Variants in PGM2L1 observed in about 807,000 individuals in gnomAD.
The protein encoded by PGM2L1 is glucose 1,6-bisphosphate synthase.
In PGM2L1, 35 loss-of-function variants were observed where a neutral mutation model predicts 73.4. The observed-to-expected ratio is 0.48, with a 90% CI of 0.36 to 0.63. The LOEUF is 0.63. Ranked by LOEUF, PGM2L1 falls within the 30% of genes least tolerant of loss-of-function variation. The probability of loss-of-function intolerance (pLI) is 0.00; values close to 1 mark genes in which losing one functional copy is unlikely to be tolerated. For missense variants in PGM2L1, 570 were observed against 742.0 expected (o/e 0.77, Z 2.69); for synonymous variants, 225 against 253.8 (o/e 0.89, Z 1.08).
In PGM2L1 at chr11:74,398,292, G is replaced by A. The variant is rs889090256; in HGVS notation, c.-131C>T. The stretch of plus-strand genomic sequence containing the variant: ...AAGGGCATCGGAGACCAACCGCAGG[G>A]TGTTCGTAACAGCTCCTGCCGCGGC... On this transcript the variant is annotated 5_prime_UTR_variant, in exon 1 of 14. Coordinates refer to ENST00000298198, the MANE Select transcript of PGM2L1 (RefSeq NM_173582.6). The A allele has an allele frequency of 1.5e-6, 2 of 1,346,520 alleles. No homozygotes were observed. The highest frequency in any genetic ancestry group is 3.0e-5 in the Admixed American group (1 of 33,150). 83.4% of individuals were successfully genotyped at this position (1,346,520 alleles called of 1,614,324 possible). A position where few individuals can be genotyped will look rare whatever the true frequency, so the allele number is the denominator to read the frequency against.
intron 5 of PGM2L1, among the ~76,000 whole-genome samples, chr11:74,356,928 G>A (rs2134906430): frequency 6.6e-6 from 1 of 152,136 alleles, no homozygotes; most frequent in African/African-American, 2.4e-5. Flanking sequence ...CCGCCTCCCA[G>A]GTTCAAGCGA....
chr11:74,366,201 G>A (rs187012455), intron 5 of PGM2L1, among the ~76,000 whole-genome samples: 15 of 151,718 alleles, frequency 9.9e-5, no homozygotes, highest in South Asian at 8.4e-4. Context: ...ATCACACACC[G>A]GGGCCTGTTG....
chr11:74,343,733 C>T (rs1276673498), intron 9 of PGM2L1, among the ~76,000 whole-genome samples: 1 of 150,714 alleles, frequency 6.6e-6, no homozygotes, highest in African/African-American at 2.5e-5. Context: ...GTATAATCAC[C>T]TACTATTAAG....
At chr11:74,390,822 G>A (rs1401486349) in intron 1 of PGM2L1, among the ~76,000 whole-genome samples, 2 of 152,164 alleles carry the variant, frequency 1.3e-5, no homozygotes, top group East Asian at 3.8e-4. Flanking sequence ...GAACTATGAA[G>A]ACATTATGCT....
At chr11:74,355,827 G>T in intron 5 of PGM2L1, 1 of 447,242 alleles carries the variant, frequency 2.2e-6, no homozygotes, top group South Asian at 1.6e-5. Context: ...GCACAGTGGT[G>T]GCAGGGCCTA....
At chr11:74,351,972 AT>A (rs56859004) in intron 5 of PGM2L1, among the ~76,000 whole-genome samples, 70,891 of 140,632 alleles carry the variant, frequency 0.5, 19,754 homozygotes, top group East Asian at 0.78. Context: ...AAAAAAAAAA[AT>A]AAATAAAAAT....
At chr11:74,377,245 C>T (rs1219789273) in intron 1 of PGM2L1, among the ~76,000 whole-genome samples, 1 of 151,948 alleles carries the variant, frequency 6.6e-6, no homozygotes, top group Non-Finnish European at 1.5e-5. Flanking sequence ...CACCATTCTC[C>T]TGCCTCAGCC....
intron 1 of PGM2L1, among the ~76,000 whole-genome samples, chr11:74,394,808 T>C (rs1863149849): frequency 6.6e-6 from 1 of 152,214 alleles, no homozygotes; most frequent in Non-Finnish European, 1.5e-5. Context: ...GATTAGTAAT[T>C]TTAGTGACCA....
intron 5 of PGM2L1, chr11:74,354,841 C>T (rs748533585): frequency 1.4e-5 from 12 of 876,274 alleles, no homozygotes; most frequent in South Asian, 1.0e-4. Context: ...AAAAATGAAG[C>T]GACTGTAATC....
At chr11:74,365,412 A>G (rs11236075) in intron 5 of PGM2L1, among the ~76,000 whole-genome samples, 54,877 of 149,818 alleles carry the variant, frequency 0.37, 11,778 homozygotes, top group East Asian at 0.51. Flanking sequence ...ATAAACTACC[A>G]TCAGAGTGAA....
chr11:74,341,026 A>G (rs1206195185), intron 12 of PGM2L1, among the ~76,000 whole-genome samples: 1 of 152,226 alleles, frequency 6.6e-6, no homozygotes, highest in African/African-American at 2.4e-5. Context: ...AAAATTAGAA[A>G]GATGTATGGC....
chr11:74,373,317 A>C (rs1348020233), intron 2 of PGM2L1, among the ~76,000 whole-genome samples: 8 of 152,228 alleles, frequency 5.3e-5, no homozygotes, highest in Admixed American at 5.2e-4. Flanking sequence ...TGGGTGAGGA[A>C]GGAGGGCAGG....
chr11:74,389,460 T>C (rs1231465938), intron 1 of PGM2L1, among the ~76,000 whole-genome samples: 2 of 151,806 alleles, frequency 1.3e-5, no homozygotes, highest in Middle Eastern at 3.4e-3. Flanking sequence ...TAAAAATTTA[T>C]TTTTTTTGAG....
chr11:74,390,118 CAA>C (rs11310692), intron 1 of PGM2L1, among the ~76,000 whole-genome samples: 6,052 of 103,352 alleles, frequency 0.059, 139 homozygotes, highest in Non-Finnish European at 0.082. Flanking sequence ...GACTCCGTCT[CAA>C]AAAAAAAAAA....
At chr11:74,388,648 G>A (rs1474572172) in intron 1 of PGM2L1, among the ~76,000 whole-genome samples, 1 of 152,008 alleles carries the variant, frequency 6.6e-6, no homozygotes, top group Non-Finnish European at 1.5e-5. Context: ...AGAGAGATAT[G>A]GTATTTTTCA....
At chr11:74,347,107 G>T in intron 7 of PGM2L1, 41 bp downstream of exon 7, 1 of 1,381,410 alleles carries the variant, frequency 7.2e-7, no homozygotes, top group Non-Finnish European at 9.6e-7. Context: ...TATTCTGATG[G>T]TTTAATAAAC....
intron 2 of PGM2L1, 104 bp from the exon 3 acceptor site, chr11:74,371,921 G>T: frequency 1.0e-6 from 1 of 969,876 alleles, no homozygotes; most frequent in South Asian, 1.4e-5. Flanking sequence ...CTGGCTGCTA[G>T]GGAAGTGGCT....
At chr11:74,360,071 C>G (rs1044168608) in intron 5 of PGM2L1, among the ~76,000 whole-genome samples, 6 of 151,880 alleles carry the variant, frequency 4.0e-5, no homozygotes, top group African/African-American at 1.5e-4. Context: ...AAGACCCTGT[C>G]TCTACTAAAT....
At chr11:74,383,188 G>C (rs557967605) in intron 1 of PGM2L1, among the ~76,000 whole-genome samples, 261 of 152,090 alleles carry the variant, frequency 1.7e-3, no homozygotes, top group Non-Finnish European at 2.9e-3. Flanking sequence ...TAAATAAAAA[G>C]GCTGATGTAA....
Sources: gnomAD v4.1 joint callset for allele counts (sites outside exome capture counted in the v4.1 genomes callset) on GRCh38, gnomAD v4.1.1 for gene constraint, MANE v1.5 for transcripts, NCBI Gene and HGNC (gene_info 2026-07-23, HGNC 2026-07-21) for gene names.